Variants in COL4A4 observed in about 807,000 individuals in gnomAD.
COL4A4 encodes collagen alpha-4(IV) chain.
A neutral mutation model predicts 192.9 loss-of-function variants in COL4A4; 105 were observed. The ratio of observed to expected loss-of-function variants is 0.54; its 90% CI spans 0.46 to 0.64. The LOEUF is 0.64. Ranked by LOEUF, COL4A4 falls within the 30% of genes least tolerant of loss-of-function variation. The probability of loss-of-function intolerance (pLI) is 0.00; values close to 1 mark genes in which losing one functional copy is unlikely to be tolerated. For synonymous variants in COL4A4, 762 were observed against 769.9 expected (o/e 0.99, Z 0.17); for missense variants, 1,967 against 2,169.3 (o/e 0.91, Z 1.85).
intron 27 of COL4A4, 51 bp downstream of exon 27, chr2:227,060,085 A>T (rs1279631546): frequency 9.6e-7 from 1 of 1,041,080 alleles, no homozygotes; most frequent in Non-Finnish European, 1.4e-6. Context: ...AGTTCCTGAT[A>T]GATATTCCCA....
At chr2:227,039,160 AGTTTTGTTTT>A (rs768959775) in intron 37 of COL4A4, among the ~76,000 whole-genome samples, 3 of 152,106 alleles carry the variant, frequency 2.0e-5, no homozygotes, top group East Asian at 1.9e-4. Context: ...ATTAGCTATT[AGTTTTGTTTT>A]GTTTTGTTTT....
At position 227,059,540 on chromosome 2, in the gene COL4A4, G is replaced by GT. The variant is rs752481731; in HGVS notation, c.2247dup (p.Pro750ThrfsTer38). 6.2e-7 allele frequency: 1 copy of GT among 1,614,068 alleles called. No individual in the cohort carries two copies. The highest frequency in any genetic ancestry group is 1.3e-5 in the African/African-American group (1 of 75,014). On this transcript the variant is annotated frameshift_variant, in exon 28 of 48. Coordinates refer to ENST00000396625, the MANE Select transcript of COL4A4 (RefSeq NM_000092.5). LOFTEE classifies it high-confidence loss of function. ...ATTCCTTTCTGACCATTCACTCCTG[G>GT]TGAGCCGGGAGGGCCTGGGGGCCCA...
In COL4A4 at chr2:227,078,023, G is replaced by A; in HGVS notation, c.1858C>T (p.Pro620Ser). Residue 620 changes from proline (P) to serine (S), a missense_variant, in exon 25 of 48, where the codon CCC (proline) becomes TCC (serine). Physicochemically the swap from Pro to Ser is moderately conservative, Grantham distance 74. Transcript: ENST00000396625. ...CCCACAGGTCCTGCTTTGCCTGGGG[G>A]GCCCAGAGGTCCAGGAAATCCTTTA... is the stretch of plus-strand genomic sequence containing the variant. The part of the protein sequence containing the change: ...GGKGFPGPLG[P>S]PGKAGPVGPP... The A allele has an allele frequency of 6.2e-7, 1 of 1,613,970 alleles. No individual in the cohort carries two copies. Among genetic ancestry groups the A allele is most frequent in the Non-Finnish European group, 8.5e-7 (1 of 1,179,986 alleles).
At position 227,033,445 on chromosome 2, in the gene COL4A4, C is replaced by A; in HGVS notation, c.3542G>T (p.Gly1181Val). 6.2e-7 allele frequency: 1 copy of A among 1,613,658 alleles called. No homozygotes were observed. ...SGSPGLNGLH[G>V]LKGQKGTKGA... Reference sequence around the variant, plus strand: ...TTTAGTTCCTTTCTGACCTTTCAATCCATGCAAGCCGTTCAGGCCAGGTGA... The same window carrying A: ...TTTAGTTCCTTTCTGACCTTTCAATACATGCAAGCCGTTCAGGCCAGGTGA... Residue 1181 changes from glycine to valine, a missense_variant, in exon 38 of 48, where the codon GGA becomes GTA. Gly to Val is a moderately radical substitution (Grantham distance 109, BLOSUM62 -3). Coordinates refer to ENST00000396625, the MANE Select transcript of COL4A4 (RefSeq NM_000092.5).
chr2:227,099,788 T>A, intron 17 of COL4A4, 99 bp from the exon 18 acceptor site: 2 of 1,023,436 alleles, frequency 2.0e-6, no homozygotes, highest in Non-Finnish European at 1.5e-6. Context: ...CACATTCATA[T>A]AAGAAGCAGA....
chr2:227,059,709 T>C (rs758678985), intron 27 of COL4A4, 86 bp from the exon 28 acceptor site: 90 of 1,076,014 alleles, frequency 8.4e-5, no homozygotes, highest in Non-Finnish European at 1.2e-4. Flanking sequence ...ATAAAAATAC[T>C]TTTCTTAAAA....
intron 5 of COL4A4, among the ~76,000 whole-genome samples, chr2:227,120,335 T>C (rs2022722427): frequency 6.6e-6 from 1 of 152,238 alleles, no homozygotes; most frequent in Non-Finnish European, 1.5e-5. Context: ...GTTTTATTCA[T>C]ACTATGGCAT....
chr2:227,123,856 G>T lies in COL4A4; in HGVS notation c.193-2708C>A, dbSNP rs1428594734. 1.3e-5 allele frequency among the ~76,000 whole-genome samples: 2 copies of T among 152,208 alleles called. No homozygotes were observed. Among genetic ancestry groups the T allele is most frequent in the Admixed American group, 1.3e-4 (2 of 15,286 alleles). On this transcript the variant is annotated intron_variant, in intron 4 of 47. Coordinates refer to ENST00000396625, the MANE Select transcript of COL4A4 (RefSeq NM_000092.5). This position sits in a 1 kb window ranked among gnomAD's most constrained non-coding sequence, Gnocchi z 4.6. ...CCCAAGCTCATGAGGGAGAAACAGA[G>T]TGAGCACCCAGGCTATGCGTCAGCC...
At chr2:227,066,726 T>C (rs949308617) in intron 25 of COL4A4, among the ~76,000 whole-genome samples, 1 of 150,168 alleles carries the variant, frequency 6.7e-6, no homozygotes, top group Non-Finnish European at 1.5e-5. Context: ...GCGCTAAACA[T>C]GGAAAGGAAC....
At chr2:227,085,466 A>C (rs1312062136) in intron 22 of COL4A4, among the ~76,000 whole-genome samples, 1 of 152,214 alleles carries the variant, frequency 6.6e-6, no homozygotes, top group South Asian at 2.1e-4. Context: ...TTGCTTCGCT[A>C]TAAAGAAATA....
the COL4A4 span, among the ~76,000 whole-genome samples, chr2:226,985,231 T>A: frequency 1.3e-5 from 2 of 152,182 alleles, no homozygotes; most frequent in African/African-American, 4.8e-5. Context: ...GGTTAAACTA[T>A]CTACATTCAT....
intron 3 of COL4A4, among the ~76,000 whole-genome samples, chr2:227,142,201 C>A (rs1237081708): frequency 6.6e-6 from 1 of 151,118 alleles, no homozygotes; most frequent in Non-Finnish European, 1.5e-5. Flanking sequence ...CAAAGTTATT[C>A]TACGTAAACA....
chr2:227,096,034 G>A (rs1295822994), intron 19 of COL4A4, among the ~76,000 whole-genome samples: 3 of 152,092 alleles, frequency 2.0e-5, no homozygotes, highest in African/African-American at 4.8e-5. Flanking sequence ...TGGCCATCAC[G>A]GGAGCTCTGT....
intron 19 of COL4A4, among the ~76,000 whole-genome samples, chr2:227,097,730 G>A (rs2060280651): frequency 6.6e-6 from 1 of 152,190 alleles, no homozygotes; most frequent in African/African-American, 2.4e-5. Flanking sequence ...AAGGTTAAGT[G>A]AACTAGACAA....
intron 45 of COL4A4, among the ~76,000 whole-genome samples, chr2:227,011,373 T>A (rs1162372982): frequency 2.0e-5 from 3 of 152,232 alleles, no homozygotes; most frequent in African/African-American, 7.2e-5. Flanking sequence ...GTAAGGATTT[T>A]ACAAGTTGAT....
chr2:227,064,603 A>C (rs2058180118), intron 25 of COL4A4, among the ~76,000 whole-genome samples: 1 of 152,178 alleles, frequency 6.6e-6, no homozygotes, highest in Non-Finnish European at 1.5e-5. Context: ...CTAAATTCAA[A>C]ATGAAGGCAA....
rs898344784 is a variant in COL4A4, at chr2:227,158,119, A to C, written c.-102+5888T>G. On this transcript the variant is annotated intron_variant, in intron 1 of 47. Coordinates refer to ENST00000396625, the MANE Select transcript of COL4A4 (RefSeq NM_000092.5). ...GGACTTACACTAGTCTTGCTAAAAA[A>C]CTAGTCATAAGAATGATGGTAAATG... 3.3e-5 allele frequency among the ~76,000 whole-genome samples: 5 copies of C among 152,168 alleles called. 1 individual carries two copies. Among genetic ancestry groups the C allele is most frequent in the African/African-American group, 1.2e-4 (5 of 41,470 alleles).
At chr2:227,060,652 A>G (rs1344957385) in intron 26 of COL4A4, among the ~76,000 whole-genome samples, 1 of 152,012 alleles carries the variant, frequency 6.6e-6, no homozygotes, top group Non-Finnish European at 1.5e-5. Flanking sequence ...ACCAAAATCT[A>G]TTTCCCTGCA....
At chr2:227,090,729 G>T (rs59922068) in intron 20 of COL4A4, among the ~76,000 whole-genome samples, 2 of 151,620 alleles carry the variant, frequency 1.3e-5, no homozygotes, top group Admixed American at 6.6e-5. Context: ...TCCAGCCTGG[G>T]CAACAGAATG....
Sources: allele counts gnomAD v4.1 joint callset (sites outside exome capture counted in the v4.1 genomes callset), GRCh38; gene constraint gnomAD v4.1.1; non-coding constraint Gnocchi (gnomAD v3.1); transcripts MANE v1.5; gene names NCBI Gene and HGNC (gene_info 2026-07-23, HGNC 2026-07-21).